Variants in NDFIP1 observed in about 807,000 individuals in gnomAD.
The protein encoded by NDFIP1 is NEDD4 family-interacting protein 1.
In NDFIP1, 7 loss-of-function variants were observed where a neutral mutation model predicts 28.8. The observed-to-expected ratio is 0.24, with a 90% confidence interval of 0.14 to 0.46. The LOEUF (loss-of-function observed/expected upper bound fraction) is 0.46, where lower values mean the gene tolerates loss of function less well. Ranked by LOEUF, NDFIP1 falls within the 20% of genes least tolerant of loss-of-function variation. The probability of loss-of-function intolerance (pLI) is 0.99; values close to 1 mark genes in which losing one functional copy is unlikely to be tolerated. For missense variants in NDFIP1, 194 were observed against 269.1 expected (o/e 0.72, Z 1.95); for synonymous variants, 92 against 101.0 (o/e 0.91, Z 0.53).
intron 5 of NDFIP1, 43 bp downstream of exon 5, chr5:142,137,901 T>C: frequency 6.4e-7 from 1 of 1,551,170 alleles, no homozygotes; most frequent in South Asian, 1.2e-5. Flanking sequence ...AGAGAGGCAA[T>C]AATCAGAATA....
intron 7 of NDFIP1, among the ~76,000 whole-genome samples, chr5:142,147,679 A>G (rs529168966): frequency 1.1e-4 from 16 of 152,324 alleles, no homozygotes; most frequent in African/African-American, 3.6e-4. Flanking sequence ...CAGGCAGTCA[A>G]ATTACTAAAG....
chr5:142,123,647 C>T (rs1361535565), intron 1 of NDFIP1, among the ~76,000 whole-genome samples: 1 of 152,046 alleles, frequency 6.6e-6, no homozygotes, highest in Non-Finnish European at 1.5e-5. Flanking sequence ...TATTTACCAC[C>T]TTTGCATTTA....
At chr5:142,112,573 C>T (rs973733663) in intron 1 of NDFIP1, among the ~76,000 whole-genome samples, 11 of 147,158 alleles carry the variant, frequency 7.5e-5, no homozygotes, top group Non-Finnish European at 1.5e-4. Context: ...GGGCGGATCA[C>T]AAGGTCAGGA....
intron 4 of NDFIP1, 134 bp from the exon 5 acceptor site, chr5:142,137,600 G>A: frequency 1.0e-6 from 1 of 981,140 alleles, no homozygotes; most frequent in Non-Finnish European, 1.5e-6. Flanking sequence ...TTTAGAGGAG[G>A]TATGGTGACG....
intron 1 of NDFIP1, among the ~76,000 whole-genome samples, chr5:142,109,741 A>G (rs6580224): frequency 0.67 from 102,384 of 152,052 alleles, 34,805 homozygotes; most frequent in African/African-American, 0.77. Flanking sequence ...AATGTATAGG[A>G]AATGATTGGA....
chr5:142,148,122 A>G (rs961521467), intron 7 of NDFIP1, among the ~76,000 whole-genome samples: 10 of 152,352 alleles, frequency 6.6e-5, no homozygotes, highest in Middle Eastern at 3.4e-3. Flanking sequence ...CAGAAAAATA[A>G]TATACTTTCC....
chr5:142,140,972 T>G (rs1044379577), intron 6 of NDFIP1, among the ~76,000 whole-genome samples: 1 of 152,102 alleles, frequency 6.6e-6, no homozygotes, highest in Admixed American at 6.6e-5. Context: ...CAAACCAGAA[T>G]TGCTTATACG....
chr5:142,141,913 A>G (rs34884387), intron 6 of NDFIP1, among the ~76,000 whole-genome samples: 13,958 of 152,036 alleles, frequency 0.092, 1,062 homozygotes, highest in East Asian at 0.36. Context: ...GGAGGATTTC[A>G]CCTTGAGGCC....
At chr5:142,110,285 A>G (rs550292064) in intron 1 of NDFIP1, among the ~76,000 whole-genome samples, 3 of 152,154 alleles carry the variant, frequency 2.0e-5, no homozygotes, top group African/African-American at 4.8e-5. Flanking sequence ...GATCTAGCAC[A>G]TGCTTTTTTT....
chr5:142,120,103 G>A (rs1014954447), intron 1 of NDFIP1, among the ~76,000 whole-genome samples: 8 of 152,104 alleles, frequency 5.3e-5, no homozygotes, highest in African/African-American at 7.2e-5. Context: ...TTACAGGCAC[G>A]CACCACAATG....
chr5:142,114,190 A>G (rs1243012022), intron 1 of NDFIP1, among the ~76,000 whole-genome samples: 2 of 151,984 alleles, frequency 1.3e-5, no homozygotes, highest in African/African-American at 2.4e-5. Flanking sequence ...AAGGATTCCA[A>G]TTTCTCCATA....
chr5:142,140,448 C>CAAAA, intron 5 of NDFIP1, 115 bp from the exon 6 acceptor site: 23 of 516,098 alleles, frequency 4.5e-5, no homozygotes, highest in South Asian at 1.1e-4. Context: ...AACTCCGTCT[C>CAAAA]AAAAAAAAAA....
At position 142,137,865 on chromosome 5, in the gene NDFIP1, T is replaced by C. The variant is rs1757291444; in HGVS notation, c.495+7T>C. ...ATGGATCCTGATTGTCAGGGTAAGT[T>C]GTATAACAGAAAAGATGGGCTCTAC... On this transcript the variant is annotated splice_region_variant and intron_variant, in intron 5 of 7. Transcript: ENST00000253814. 6.2e-7 allele frequency: 1 copy of C among 1,613,362 alleles called. No individual in the cohort carries two copies. The highest frequency in any genetic ancestry group is 8.5e-7 in the Non-Finnish European group (1 of 1,179,508).
rs1282943007 is a variant in NDFIP1 at position 142,131,576 on chromosome 5, G to GT, written c.64-229dup. On this transcript the variant is annotated intron_variant, in intron 1 of 7. Transcript: ENST00000253814. The stretch of plus-strand genomic sequence containing the variant: ...GTCTCCTATGATTGGAATTTAGGTT[G>GT]TTTCTAATTTTTGCTGACACAACAC... Among the ~76,000 whole-genome samples, 5 of 152,188 alleles carry GT rather than the reference G, an allele frequency of 3.3e-5. No individual in the cohort carries two copies. In the South Asian group the frequency reaches 1.0e-3, roughly 32 times the overall value.
At chr5:142,146,841 T>C (rs1757394534) in intron 7 of NDFIP1, among the ~76,000 whole-genome samples, 1 of 152,142 alleles carries the variant, frequency 6.6e-6, no homozygotes, top group Non-Finnish European at 1.5e-5. Context: ...TTTGGTGCTT[T>C]ACTGAAAATT....
Position 142,153,309 on chromosome 5 carries a change from A to G in NDFIP1, c.*1581A>G. The G allele has an allele frequency of 4.4e-6, 2 of 456,670 alleles. No homozygotes were observed. Among genetic ancestry groups the G allele is most frequent in the Non-Finnish European group, 8.8e-6 (2 of 226,936 alleles). 28.3% of individuals were successfully genotyped at this position (456,670 alleles called of 1,614,324 possible). On this transcript the variant is annotated 3_prime_UTR_variant, in exon 8 of 8. Coordinates refer to ENST00000253814, the MANE Select transcript of NDFIP1 (RefSeq NM_030571.4). Reference sequence around the variant, plus strand: ...AAATATGAAGAAAAAATACACCAAGATGGTCAAATTACTACACAAATCAGC... The same window carrying G: ...AAATATGAAGAAAAAATACACCAAGGTGGTCAAATTACTACACAAATCAGC...
chr5:142,136,859 G>T (rs886548495), intron 4 of NDFIP1, among the ~76,000 whole-genome samples: 2 of 151,192 alleles, frequency 1.3e-5, no homozygotes, highest in African/African-American at 4.9e-5. Flanking sequence ...TGGGGCTAGA[G>T]GTTCAAGACC....
intron 1 of NDFIP1, among the ~76,000 whole-genome samples, chr5:142,120,638 A>G (rs1474276590): frequency 6.6e-6 from 1 of 152,206 alleles, no homozygotes; most frequent in Non-Finnish European, 1.5e-5. Context: ...CAGTAAGTGT[A>G]ATTCTTTGTG....
chr5:142,137,642 G>A, intron 4 of NDFIP1, 92 bp from the exon 5 acceptor site: 1 of 1,446,616 alleles, frequency 6.9e-7, no homozygotes, highest in Non-Finnish European at 9.5e-7. Context: ...TTTATCCTTT[G>A]GAAAGTCATT....
Sources: allele counts gnomAD v4.1 joint callset (sites outside exome capture counted in the v4.1 genomes callset), GRCh38; gene constraint gnomAD v4.1.1; transcripts MANE v1.5; gene names NCBI Gene and HGNC (gene_info 2026-07-23, HGNC 2026-07-21).